The following IL1RAPL2 variants were observed in gnomAD, a reference collection of about 807,000 sequenced individuals.
IL1RAPL2 encodes X-linked interleukin-1 receptor accessory protein-like 2.
In IL1RAPL2, 3 loss-of-function variants were observed where a neutral mutation model predicts 44.1. The observed-to-expected ratio is 0.07, with a 90% CI of 0.03 to 0.18. The LOEUF is 0.18. IL1RAPL2 is among the 10% of genes least tolerant of loss of function. IL1RAPL2 has a pLI of 1.00. For missense variants in IL1RAPL2, 391 were observed against 496.4 expected (o/e 0.79, Z 2.02); for synonymous variants, 181 against 178.8 (o/e 1.01, Z -0.10).
Position 104,698,128 on chromosome X carries a change from C to T in IL1RAPL2, c.82+39133C>T, listed in dbSNP as rs1436288780. On this transcript the variant is annotated intron_variant, in intron 2 of 10. Coordinates refer to ENST00000372582, the MANE Select transcript of IL1RAPL2 (RefSeq NM_017416.2). The stretch of plus-strand genomic sequence containing the variant: ...AGCCTCAATTATTTGCCATGGGGCC[C>T]TTTCCATAGGGCAGCTGACAACATG... 5.3e-5 allele frequency among the ~76,000 whole-genome samples: 6 copies of T among 112,530 alleles called. No individual in the cohort carries two copies. In the East Asian group the frequency reaches 1.4e-3, roughly 26 times the overall value.
chrX:105,446,302 T>C (rs770307896), intron 5 of IL1RAPL2, among the ~76,000 whole-genome samples: 1 of 111,406 alleles, frequency 9.0e-6, no homozygotes, highest in South Asian at 3.7e-4. Flanking sequence ...AAGTGTGTTT[T>C]TGTAGGTAAC....
intron 1 of IL1RAPL2, among the ~76,000 whole-genome samples, chrX:104,616,088 ATTTG>A (rs756532720): frequency 1.8e-5 from 2 of 112,270 alleles, no homozygotes; most frequent in South Asian, 3.7e-4. Context: ...TTTTAAAAAA[ATTTG>A]TTTAAGTTCC....
intron 6 of IL1RAPL2, among the ~76,000 whole-genome samples, chrX:105,691,211 C>T (rs930139450): frequency 4.2e-4 from 47 of 111,785 alleles, no homozygotes; most frequent in African/African-American, 1.5e-3. Flanking sequence ...GACACTTAGA[C>T]ATGCAGACAC....
At chrX:104,678,102 G>T (rs1056282408) in intron 2 of IL1RAPL2, among the ~76,000 whole-genome samples, 6 of 112,246 alleles carry the variant, frequency 5.3e-5, no homozygotes, top group African/African-American at 1.9e-4. Context: ...GTTCCTATTC[G>T]GCCATCTTGG....
At chrX:104,967,407 CTG>C (rs1410835858) in intron 2 of IL1RAPL2, among the ~76,000 whole-genome samples, 1 of 110,283 alleles carries the variant, frequency 9.1e-6, no homozygotes, top group African/African-American at 3.3e-5. Context: ...AATTAACAAA[CTG>C]ATATAGAGAA....
At chrX:105,633,189 T>C (rs775369164) in intron 6 of IL1RAPL2, among the ~76,000 whole-genome samples, 1 of 111,923 alleles carries the variant, frequency 8.9e-6, no homozygotes, top group East Asian at 2.8e-4. Context: ...TACTGTTATA[T>C]AGTCGTTTAG....
intron 2 of IL1RAPL2, among the ~76,000 whole-genome samples, chrX:104,695,698 A>G (rs752178310): frequency 4.6e-4 from 51 of 111,162 alleles, no homozygotes; most frequent in African/African-American, 1.6e-3. Flanking sequence ...ATCCAGATAT[A>G]ATATAATATT....
At chrX:104,745,938 C>T (rs996489621) in intron 2 of IL1RAPL2, among the ~76,000 whole-genome samples, 1 of 111,615 alleles carries the variant, frequency 9.0e-6, no homozygotes, top group African/African-American at 3.2e-5. Context: ...TGGTGTCTAG[C>T]ATGTAATAGA....
chrX:105,302,625 A>T (rs1300316243), intron 5 of IL1RAPL2, among the ~76,000 whole-genome samples: 4 of 111,889 alleles, frequency 3.6e-5, no homozygotes, highest in Non-Finnish European at 7.5e-5. Flanking sequence ...AAGTTGTAAG[A>T]CAAAGTCATC....
intron 6 of IL1RAPL2, among the ~76,000 whole-genome samples, chrX:105,633,577 A>T (rs751702767): frequency 8.9e-6 from 1 of 111,742 alleles, no homozygotes; most frequent in African/African-American, 3.2e-5. Flanking sequence ...TAGACCTTTT[A>T]TGTAGGCAGA....
chrX:105,726,965 G>C (rs907035391), intron 7 of IL1RAPL2, among the ~76,000 whole-genome samples: 2 of 111,013 alleles, frequency 1.8e-5, no homozygotes, highest in African/African-American at 6.6e-5. Flanking sequence ...GCTGGACTTG[G>C]AGTAATAATG....
intron 2 of IL1RAPL2, among the ~76,000 whole-genome samples, chrX:105,127,011 G>T (rs969058208): frequency 9.0e-6 from 1 of 111,016 alleles, no homozygotes; most frequent in African/African-American, 3.3e-5. Context: ...TTACAATATA[G>T]CAAAAATGTA....
chrX:104,786,005 C>T (rs1383437145), intron 2 of IL1RAPL2, among the ~76,000 whole-genome samples: 1 of 112,415 alleles, frequency 8.9e-6, no homozygotes, highest in South Asian at 3.7e-4. Context: ...GACATCTGCT[C>T]TTCAGAAGCA....
At chrX:105,123,533 ATCT>A (rs960799983) in intron 2 of IL1RAPL2, among the ~76,000 whole-genome samples, 6 of 111,330 alleles carry the variant, frequency 5.4e-5, no homozygotes, top group Admixed American at 3.8e-4. Flanking sequence ...AATCAAACAC[ATCT>A]TCTTTCTGTA....
At chrX:105,331,215 C>T (rs911071885) in intron 5 of IL1RAPL2, among the ~76,000 whole-genome samples, 7 of 111,147 alleles carry the variant, frequency 6.3e-5, no homozygotes, top group African/African-American at 2.3e-4. Context: ...CATGGTCTGT[C>T]ACACTGTTTG....
At chrX:104,582,822 C>CTCTCTCTTTCTT (rs1556437534) in intron 1 of IL1RAPL2, among the ~76,000 whole-genome samples, 4 of 40,663 alleles carry the variant, frequency 9.8e-5, no homozygotes, top group Admixed American at 4.1e-4. Context: ...TCCTTTCTTT[C>CTCTCTCTTTCTT]TCTTTCTTTC....
At chrX:105,163,601 C>T (rs1443557266) in intron 2 of IL1RAPL2, among the ~76,000 whole-genome samples, 1 of 111,860 alleles carries the variant, frequency 8.9e-6, no homozygotes, top group Non-Finnish European at 1.9e-5. Flanking sequence ...GCATATTTTA[C>T]ATTGAGTTAG....
chrX:104,671,640 A>C (rs956836324), intron 2 of IL1RAPL2, among the ~76,000 whole-genome samples: 5 of 111,761 alleles, frequency 4.5e-5, no homozygotes, highest in African/African-American at 1.6e-4. Flanking sequence ...TTTGAAGGCA[A>C]AAATTGTTTC....
At chrX:104,906,836 G>A (rs1317469333) in intron 2 of IL1RAPL2, among the ~76,000 whole-genome samples, 5 of 111,768 alleles carry the variant, frequency 4.5e-5, no homozygotes, top group Non-Finnish European at 3.8e-5. Context: ...GAGTTAGGGA[G>A]GATTCCCTCT....
Sources: gnomAD v4.1 joint callset for allele counts (sites outside exome capture counted in the v4.1 genomes callset) on GRCh38, gnomAD v4.1.1 for gene constraint, MANE v1.5 for transcripts, NCBI Gene and HGNC (gene_info 2026-07-23, HGNC 2026-07-21) for gene names.